Variants in MTCL1 observed in about 807,000 individuals in gnomAD.
MTCL1 encodes microtubule cross-linking factor 1.
MTCL1 carries 79 observed loss-of-function variants against 141.4 expected under a neutral mutation model. The ratio of observed to expected loss-of-function variants is 0.56; its 90% confidence interval spans 0.47 to 0.67. MTCL1 has a LOEUF of 0.67. Among genes scored for constraint, MTCL1 ranks in the 30% least tolerant of loss-of-function variants. The probability of loss-of-function intolerance (pLI) is 0.00; values close to 1 mark genes in which losing one functional copy is unlikely to be tolerated. For missense variants in MTCL1, 2,177 were observed against 2,113.9 expected (o/e 1.03, Z -0.59); for synonymous variants, 914 against 875.8 (o/e 1.04, Z -0.77).
intron 7 of MTCL1, among the ~76,000 whole-genome samples, chr18:8,787,637 T>TA (rs1276708982): frequency 7.2e-5 from 11 of 152,236 alleles, no homozygotes; most frequent in Non-Finnish European, 1.5e-4. Context: ...ACAAGAGAGC[T>TA]AAAAATCTCC....
At chr18:8,733,772 G>A (rs549694432) in intron 4 of MTCL1, among the ~76,000 whole-genome samples, 7 of 152,280 alleles carry the variant, frequency 4.6e-5, no homozygotes, top group South Asian at 4.1e-4. Context: ...GAGCGTCCTC[G>A]CAGGTGGGAG....
intron 7 of MTCL1, chr18:8,789,282 C>A: frequency 3.0e-6 from 1 of 337,634 alleles, no homozygotes; most frequent in South Asian, 1.2e-4. Context: ...ATGTGTTGGC[C>A]TCATGTACTG....
upstream of MTCL1, among the ~76,000 whole-genome samples, chr18:8,712,522 G>A (rs577704196): frequency 5.3e-5 from 8 of 152,282 alleles, no homozygotes; most frequent in South Asian, 1.4e-3. Flanking sequence ...CTTGCTCCCC[G>A]CCTCCTCCTC....
At chr18:8,800,481 A>T (rs1170000464) in intron 10 of MTCL1, 1 of 152,266 alleles carries the variant, frequency 6.6e-6, no homozygotes, top group Non-Finnish European at 1.5e-5. Context: ...GGGATGGCTC[A>T]TAACAAATCA....
chr18:8,714,413 G>A (rs1373559581), upstream of MTCL1, among the ~76,000 whole-genome samples: 5 of 152,174 alleles, frequency 3.3e-5, no homozygotes, highest in African/African-American at 4.8e-5. Flanking sequence ...AATACATGCC[G>A]TTATGGTGCA....
At chr18:8,829,902 C>T (rs2077143173) in intron 16 of MTCL1, 3 of 985,184 alleles carry the variant, frequency 3.0e-6, no homozygotes, top group Non-Finnish European at 3.6e-6. Flanking sequence ...CACAGTGATT[C>T]TTCCTTCACA....
chr18:8,775,962 A>G (rs1221003870), intron 4 of MTCL1, among the ~76,000 whole-genome samples: 1 of 152,192 alleles, frequency 6.6e-6, no homozygotes, highest in Non-Finnish European at 1.5e-5. Flanking sequence ...TCTTCCCACA[A>G]ATGGCAAGGG....
At chr18:8,789,631 C>T in intron 7 of MTCL1, 1 of 985,376 alleles carries the variant, frequency 1.0e-6, no homozygotes, top group South Asian at 4.7e-5. Flanking sequence ...AGTGTCTCAG[C>T]AGCCTCGGAA....
chr18:8,734,890 T>G (rs746554381), intron 4 of MTCL1, among the ~76,000 whole-genome samples: 19 of 152,186 alleles, frequency 1.2e-4, no homozygotes, highest in Admixed American at 3.3e-4. Context: ...TCAGCAGCAG[T>G]GTGCCTGCAG....
chr18:8,792,624 C>T (rs1396389876), intron 7 of MTCL1, among the ~76,000 whole-genome samples: 1 of 152,218 alleles, frequency 6.6e-6, no homozygotes, highest in Non-Finnish European at 1.5e-5. Flanking sequence ...GGTGGTCATG[C>T]TTGCCTCGGT....
At position 8,705,863 on chromosome 18, in the gene MTCL1, G is replaced by A. The variant is rs1214035067; in HGVS notation, c.203G>A (p.Arg68Gln). The A allele has an allele frequency of 6.1e-6, 7 of 1,146,176 alleles. No homozygotes were observed. Among genetic ancestry groups the A allele is most frequent in the Non-Finnish European group, 7.5e-6 (7 of 932,556 alleles). 71.0% of individuals were successfully genotyped at this position (1,146,176 alleles called of 1,614,324 possible). Reference sequence around the variant, plus strand: ...GGCCCGGCCGTCCCCTCCTCGGGCCGAGCCCCGGCTCCCGCCGCCCCGCGC... The same window carrying A: ...GGCCCGGCCGTCCCCTCCTCGGGCCAAGCCCCGGCTCCCGCCGCCCCGCGC... Residue 68 changes from arginine to glutamine, a missense_variant, in exon 1 of 14, where the codon CGA (arginine) becomes CAA (glutamine). By Grantham distance (43) the Arg-to-Gln change is conservative. Transcript: ENST00000306329. This position sits in a 1 kb window ranked among gnomAD's most constrained non-coding sequence, Gnocchi z 5.2.
At chr18:8,706,316 C>T in exon 1 of MTCL1, 2 of 1,230,424 alleles carry the variant, frequency 1.6e-6, no homozygotes, top group Non-Finnish European at 2.0e-6. Context: ...CCCTCCGAAC[C>T]CCTGTCCGAC....
chr18:8,817,990 T>C (rs890975625), intron 12 of MTCL1, among the ~76,000 whole-genome samples: 1 of 152,102 alleles, frequency 6.6e-6, no homozygotes, highest in African/African-American at 2.4e-5. Context: ...TGCAAGCCAT[T>C]TGCCTGCCTG....
chr18:8,775,190 C>T (rs561585240), intron 4 of MTCL1, among the ~76,000 whole-genome samples: 1 of 152,312 alleles, frequency 6.6e-6, no homozygotes, highest in East Asian at 1.9e-4. Flanking sequence ...ATCGCTATTA[C>T]AGCCCTGGAA....
intron 4 of MTCL1, among the ~76,000 whole-genome samples, chr18:8,768,082 C>T (rs2096467536): frequency 6.6e-6 from 1 of 152,126 alleles, no homozygotes; most frequent in Non-Finnish European, 1.5e-5. Flanking sequence ...TTTCTTTCTT[C>T]CCAACATTTT....
chr18:8,771,508 A>G (rs1254213636), intron 4 of MTCL1, among the ~76,000 whole-genome samples: 2 of 152,148 alleles, frequency 1.3e-5, no homozygotes, highest in East Asian at 1.9e-4. Flanking sequence ...ACAGCATCCT[A>G]ATTTTTATTT....
intron 3 of MTCL1, among the ~76,000 whole-genome samples, chr18:8,719,115 C>T (rs2096150933): frequency 6.6e-6 from 1 of 152,094 alleles, no homozygotes; most frequent in South Asian, 2.1e-4. Context: ...GATCTAATGC[C>T]AGGAGAAGTA....
chr18:8,733,660 C>T lies in MTCL1; in HGVS notation c.357+13164C>T, dbSNP rs567363391. Among the ~76,000 whole-genome samples the T allele has an allele frequency of 8.4e-4, 128 of 152,270 alleles. 2 individuals are homozygous for T. Among genetic ancestry groups the T allele is most frequent in the Admixed American group, 6.5e-3 (99 of 15,300 alleles). The stretch of plus-strand genomic sequence containing the variant: ...ACTTCAAGTGATCCACCCACCTCGG[C>T]CTCTCAAAGTGCTGGGATTACAGGC... On this transcript the variant is annotated intron_variant, in intron 4 of 16. Coordinates refer to ENST00000359865, the Ensembl canonical transcript of MTCL1.
At chr18:8,796,053 G>C (rs2143862248) in intron 8 of MTCL1, among the ~76,000 whole-genome samples, 179 bp from the exon 8 acceptor site, 1 of 152,264 alleles carries the variant, frequency 6.6e-6, no homozygotes, top group East Asian at 1.9e-4. Flanking sequence ...ATACTCATGA[G>C]GTTTTGTAAA....
Sources: allele counts gnomAD v4.1 joint callset (sites outside exome capture counted in the v4.1 genomes callset), GRCh38; gene constraint gnomAD v4.1.1; non-coding constraint Gnocchi (gnomAD v3.1); transcripts MANE v1.5; gene names NCBI Gene and HGNC (gene_info 2026-07-23, HGNC 2026-07-21).